The following UBN2 variants were observed in gnomAD, a reference collection of about 807,000 sequenced individuals.
UBN2 encodes the protein ubinuclein 2.
UBN2 carries 35 observed loss-of-function variants against 120.2 expected under a neutral mutation model. That is an observed-to-expected ratio of 0.29 (90% CI 0.22 to 0.39). UBN2 has a LOEUF of 0.39. Among genes scored for constraint, UBN2 ranks in the 10% least tolerant of loss-of-function variants. The probability of loss-of-function intolerance (pLI) is 1.00; values close to 1 mark genes in which losing one functional copy is unlikely to be tolerated. For synonymous variants in UBN2, 661 were observed against 648.7 expected, an observed-to-expected ratio of 1.02 and a Z score of -0.29; for missense variants, 1,693 against 1,663.2, an observed-to-expected ratio of 1.02 and a Z score of -0.31.
Position 139,261,607 on chromosome 7 carries a change from C to T in UBN2, c.1261C>T (p.Leu421=), listed in dbSNP as rs774077552. 5.6e-6 allele frequency: 9 copies of T among 1,614,104 alleles called. No individual in the cohort carries two copies. In the South Asian group the frequency reaches 7.7e-5, roughly 14 times the overall value. ...LLDAASDGSP[L]SESGGENGTT... ...GGATGCTGCTTCTGATGGTAGCCCC[C>T]TATCTGAGTCGGGGGGTGAAAATGG... is the stretch of plus-strand genomic sequence containing the variant. The change falls in exon 6 of 18, where the codon CTA becomes TTA. Residue 421 remains leucine (L), a synonymous_variant. Transcript: ENST00000473989.
rs772067100 is a variant in UBN2 at position 139,231,937 on chromosome 7, G to A, written c.453G>A (p.Leu151=). The part of the protein sequence containing the change: ...CVEFSYPELL[L]CGEQRKKLIH... ...AGTTCAGTTACCCGGAGCTGCTGCT[G>A]TGCGGAGAACAACGGGTACAGAAGA... The change falls in exon 1 of 18, where the codon CTG becomes CTA. Residue 151 remains leucine (L), a synonymous_variant. Coordinates refer to ENST00000473989, the MANE Select transcript of UBN2 (RefSeq NM_173569.4). 22 of 1,582,824 alleles carry A rather than the reference G, an allele frequency of 1.4e-5. No individual in the cohort carries two copies. The East Asian group carries it at 5.3e-4, about 38-fold the overall frequency.
chr7:139,311,146 C>T (rs559308903), downstream of UBN2, among the ~76,000 whole-genome samples: 73 of 152,230 alleles, frequency 4.8e-4, no homozygotes, highest in Non-Finnish European at 8.5e-4. Flanking sequence ...TAATTGGGAA[C>T]GGGCAGAAGA....
chr7:139,294,542 T>A (rs1215604076), intron 17 of UBN2, among the ~76,000 whole-genome samples: 3 of 152,292 alleles, frequency 2.0e-5, no homozygotes, highest in Non-Finnish European at 4.4e-5. Flanking sequence ...TTAGCGGAGA[T>A]GAAATTAATA....
At chr7:139,246,717 A>C (rs1358338073) in intron 2 of UBN2, among the ~76,000 whole-genome samples, 2 of 152,090 alleles carry the variant, frequency 1.3e-5, no homozygotes, top group African/African-American at 4.8e-5. Flanking sequence ...TGTCCCTCCA[A>C]ACTTAGCCTC....
chr7:139,272,492 C>CG lies in UBN2; in HGVS notation c.1715+53dup, dbSNP rs1279390152. On this transcript the variant is annotated intron_variant, in intron 9 of 17. Coordinates refer to ENST00000473989, the MANE Select transcript of UBN2 (RefSeq NM_173569.4). Reference sequence around the variant, plus strand: ...CTTTTGCATTTGAGAAGTGTATGTACGTTATGTATGTATGTATGTATGTAT... The same window carrying CG: ...CTTTTGCATTTGAGAAGTGTATGTACGGTTATGTATGTATGTATGTATGTAT... 112 of 1,201,400 alleles carry CG rather than the reference C, an allele frequency of 9.3e-5. No homozygotes were observed. The East Asian group carries it at 1.1e-3, about 12-fold the overall frequency. 74.4% of individuals were successfully genotyped at this position (1,201,400 alleles called of 1,614,324 possible).
At chr7:139,296,832 G>A (rs1263078337) in intron 17 of UBN2, among the ~76,000 whole-genome samples, 1 of 152,152 alleles carries the variant, frequency 6.6e-6, no homozygotes, top group African/African-American at 2.4e-5. Flanking sequence ...TGAGGCTATA[G>A]TGTGCTATGA....
intron 8 of UBN2, among the ~76,000 whole-genome samples, chr7:139,271,403 A>G (rs1360230513): frequency 6.6e-6 from 1 of 152,088 alleles, no homozygotes; most frequent in Admixed American, 6.5e-5. Flanking sequence ...CCTGGCCAAC[A>G]TGGCAAAACC....
Position 139,261,516 on chromosome 7 carries a change from T to G in UBN2, c.1170T>G (p.His390Gln). Residue 390 changes from histidine (H) to glutamine (Q), a missense_variant, in exon 6 of 18, where the codon CAT (histidine) becomes CAG (glutamine). By Grantham distance (24) the His-to-Gln change is conservative. Transcript: ENST00000473989. Reference sequence around the variant, plus strand: ...CCATTTTTGTTAGCACAAATGAACATGAGCTGTTTCAGGAAGCTGAAAATG... The same window carrying G: ...CCATTTTTGTTAGCACAAATGAACAGGAGCTGTTTCAGGAAGCTGAAAATG... ...DLPIFVSTNE[H>Q]ELFQEAENAL... 1 of 1,614,196 alleles carries G rather than the reference T, an allele frequency of 6.2e-7. No individual in the cohort carries two copies. Among genetic ancestry groups the G allele is most frequent in the Non-Finnish European group, 8.5e-7 (1 of 1,180,036 alleles).
chr7:139,293,469 T>C lies in UBN2; in HGVS notation c.3901+6T>C, dbSNP rs1798022067. On this transcript the variant is annotated splice_donor_region_variant and intron_variant, in intron 16 of 17. Transcript: ENST00000473989. ...CCACCATAGCCTAACTCAGAGTAAG[T>C]GGGGCTCTTCTATTTGGTTGGGCTG... The C allele has an allele frequency of 6.2e-7, 1 of 1,613,284 alleles. No homozygotes were observed. Among genetic ancestry groups the C allele is most frequent in the South Asian group, 1.1e-5 (1 of 91,052 alleles).
chr7:139,288,652 C>T (rs1192212172), intron 15 of UBN2, among the ~76,000 whole-genome samples: 1 of 151,798 alleles, frequency 6.6e-6, no homozygotes, highest in Admixed American at 6.6e-5. Flanking sequence ...TTACTCTGGG[C>T]GTTGTGGGGA....
chr7:139,326,617 G>A, the UBN2 span, among the ~76,000 whole-genome samples: 1 of 152,210 alleles, frequency 6.6e-6, no homozygotes, highest in Non-Finnish European at 1.5e-5. Context: ...TAGCAGGTGT[G>A]CATTAAAATT....
At chr7:139,273,490 T>G in intron 10 of UBN2, 80 bp downstream of exon 10, 1 of 990,642 alleles carries the variant, frequency 1.0e-6, no homozygotes, top group Non-Finnish European at 1.4e-6. Flanking sequence ...ATAATAAATA[T>G]AAAACTAGAT....
the UBN2 span, among the ~76,000 whole-genome samples, chr7:139,323,601 A>ATTT: frequency 7.9e-6 from 1 of 127,214 alleles, no homozygotes; most frequent in Non-Finnish European, 1.7e-5. Context: ...TATTATTATT[A>ATTT]TTTTTGAGAC....
chr7:139,319,945 G>A, the UBN2 span, among the ~76,000 whole-genome samples: 5 of 151,762 alleles, frequency 3.3e-5, no homozygotes, highest in East Asian at 2.0e-4. Context: ...GTGTGGTGGC[G>A]GGTGCCTGTA....
At chr7:139,250,566 C>A (rs74299959) in intron 2 of UBN2, among the ~76,000 whole-genome samples, 7 of 151,068 alleles carry the variant, frequency 4.6e-5, no homozygotes, top group Non-Finnish European at 1.0e-4. Context: ...AAAAGAAGAA[C>A]TACTGTAGAC....
At chr7:139,257,368 A>G (rs1796791054) in intron 3 of UBN2, among the ~76,000 whole-genome samples, 2 of 152,192 alleles carry the variant, frequency 1.3e-5, no homozygotes, top group South Asian at 2.1e-4. Context: ...CTTTTAAAAT[A>G]TGTGCTATTC....
chr7:139,324,967 C>T, the UBN2 span, among the ~76,000 whole-genome samples: 11 of 150,146 alleles, frequency 7.3e-5, no homozygotes, highest in Non-Finnish European at 1.2e-4. Context: ...AAGACTCCAT[C>T]TCAAAAAAAA....
rs372402062 is a variant in UBN2, at chr7:139,261,555, A to G, written c.1209A>G (p.Leu403=). 6.2e-6 allele frequency: 10 copies of G among 1,614,090 alleles called. No homozygotes were observed. Among genetic ancestry groups the G allele is most frequent in the African/African-American group, 5.3e-5 (4 of 74,924 alleles). Residue 403 remains leucine (L), a synonymous_variant, in exon 6 of 18, where the codon CTA becomes CTG. Coordinates refer to ENST00000473989, the MANE Select transcript of UBN2 (RefSeq NM_173569.4). ...FQEAENALEM[L]DDFDFDRLLD... ...AAGCTGAAAATGCCCTAGAGATGCT[A>G]GATGATTTTGACTTCGACAGATTAC...
intron 11 of UBN2, among the ~76,000 whole-genome samples, chr7:139,275,795 A>T (rs1797426886): frequency 6.6e-6 from 1 of 151,816 alleles, no homozygotes; most frequent in South Asian, 2.1e-4. Flanking sequence ...CAGCATAGTG[A>T]GACCCCTGAC....
Sources: gnomAD v4.1 joint callset for allele counts (sites outside exome capture counted in the v4.1 genomes callset) on GRCh38, gnomAD v4.1.1 for gene constraint, MANE v1.5 for transcripts, NCBI Gene and HGNC (gene_info 2026-07-23, HGNC 2026-07-21) for gene names.